Variants in OR1M1 observed in about 807,000 individuals in gnomAD.
OR1M1 encodes the protein olfactory receptor 1M1.
For missense variants in OR1M1, 397 were observed against 401.8 expected (o/e 0.99, Z 0.10); for synonymous variants, 157 against 165.5 (o/e 0.95, Z 0.39).
intron 1 of OR1M1, among the ~76,000 whole-genome samples, chr19:9,087,835 A>G (rs1481153329): frequency 6.6e-6 from 1 of 152,092 alleles, no homozygotes; most frequent in Non-Finnish European, 1.5e-5. Context: ...TTTAGTTGTG[A>G]TGCTACCAGT....
chr19:9,093,224 A>G lies in OR1M1; in HGVS notation c.-13-8A>G. On this transcript the variant is annotated splice_polypyrimidine_tract_variant and splice_region_variant and intron_variant, in intron 1 of 1. Coordinates refer to ENST00000641627, the MANE Select transcript of OR1M1 (RefSeq NM_001004456.2). ...CATTCCTATAACCTCCCCTTTCCAT[A>G]CTTCCAGAGGAATCACACCCATGGA... 5 of 1,533,722 alleles carry G rather than the reference A, an allele frequency of 3.3e-6. No individual in the cohort carries two copies. Among genetic ancestry groups the G allele is most frequent in the Non-Finnish European group, 4.4e-6 (5 of 1,125,050 alleles).
In OR1M1 at chr19:9,094,197, T is replaced by G; in HGVS notation, c.*11T>G. The G allele has an allele frequency of 6.4e-7, 1 of 1,562,282 alleles. No individual in the cohort carries two copies. The highest frequency in any genetic ancestry group is 8.7e-7 in the Non-Finnish European group (1 of 1,145,224). ...ACCTCATCTTCCTGACCACCAGGAC[T>G]CAGGAACTTCTGGGGGGTAGAATAT... On this transcript the variant is annotated 3_prime_UTR_variant, in exon 2 of 2. Transcript: ENST00000641627.
At chr19:9,090,662 G>A (rs1376220769) in intron 1 of OR1M1, among the ~76,000 whole-genome samples, 3 of 151,858 alleles carry the variant, frequency 2.0e-5, no homozygotes, top group East Asian at 2.0e-4. Flanking sequence ...TTGAACTCCC[G>A]ACCTCAGGTG....
intron 1 of OR1M1, among the ~76,000 whole-genome samples, chr19:9,090,398 A>G (rs1488339338): frequency 6.6e-6 from 1 of 152,260 alleles, no homozygotes; most frequent in East Asian, 1.9e-4. Context: ...AAAATAAAAA[A>G]TAAAAATATA....
chr19:9,093,109 C>CACATAT (rs572607972), intron 1 of OR1M1, 123 bp from the exon 2 acceptor site: 10 of 492,264 alleles, frequency 2.0e-5, no homozygotes, highest in Admixed American at 7.4e-5. Flanking sequence ...CACACACACA[C>CACATAT]ATATATATAT....
Position 9,093,968 on chromosome 19 carries a change from A to T in OR1M1, c.724A>T (p.Ser242Cys). 6.2e-7 allele frequency: 1 copy of T among 1,614,122 alleles called. No individual in the cohort carries two copies. Among genetic ancestry groups the T allele is most frequent in the Non-Finnish European group, 8.5e-7 (1 of 1,180,014 alleles). The change falls in exon 2 of 2, where the codon AGC (serine) becomes TGC (cysteine). Residue 242 changes from serine to cysteine, a missense_variant. By Grantham distance (112) the Ser-to-Cys change is moderately radical (BLOSUM62 -1). Transcript: ENST00000641627. The part of the protein sequence containing the change: ...GGRKKAFSTC[S>C]SHLSVVALFY... ...CAGGAAGAAAGCCTTCTCCACCTGC[A>T]GCTCCCACCTGTCTGTGGTTGCTCT...
intron 1 of OR1M1, among the ~76,000 whole-genome samples, chr19:9,092,991 G>A (rs1030545991): frequency 1.4e-5 from 2 of 146,086 alleles, no homozygotes; most frequent in Admixed American, 7.0e-5. Flanking sequence ...TTACAACACC[G>A]TACATGTGTG....
intron 1 of OR1M1, among the ~76,000 whole-genome samples, chr19:9,092,904 A>AAT (rs1245761464): frequency 5.3e-5 from 8 of 149,610 alleles, no homozygotes; most frequent in East Asian, 3.9e-4. Flanking sequence ...CTGTCTCAAA[A>AAT]ATATATATAT....
At chr19:9,089,695 G>T (rs895860838) in intron 1 of OR1M1, among the ~76,000 whole-genome samples, 45 of 152,120 alleles carry the variant, frequency 3.0e-4, no homozygotes, top group Non-Finnish European at 5.3e-4. Flanking sequence ...AAAGTGCTGG[G>T]ATTACAGGTG....
At chr19:9,087,568 C>T (rs1241718056) in intron 1 of OR1M1, among the ~76,000 whole-genome samples, 1 of 152,114 alleles carries the variant, frequency 6.6e-6, no homozygotes, top group Non-Finnish European at 1.5e-5. Flanking sequence ...TCTCCTACCT[C>T]AGCCTCCCGA....
intron 1 of OR1M1, among the ~76,000 whole-genome samples, chr19:9,092,659 T>C (rs1157010493): frequency 1.3e-5 from 2 of 151,928 alleles, no homozygotes; most frequent in Non-Finnish European, 2.9e-5. Context: ...CCCAGCACTT[T>C]GGGAGGCCGA....
chr19:9,088,443 T>A (rs1174174896), intron 1 of OR1M1, among the ~76,000 whole-genome samples: 1 of 152,054 alleles, frequency 6.6e-6, no homozygotes, highest in East Asian at 1.9e-4. Flanking sequence ...GATACTTAAA[T>A]TTTTCCCAAG....
intron 1 of OR1M1, among the ~76,000 whole-genome samples, chr19:9,089,799 G>GCT (rs779858405): frequency 7.9e-5 from 12 of 152,136 alleles, no homozygotes; most frequent in Non-Finnish European, 1.5e-4. Flanking sequence ...CCTCAGGGGT[G>GCT]CTGTGTGTGG....
chr19:9,088,003 G>T (rs1489006484), intron 1 of OR1M1, among the ~76,000 whole-genome samples: 1 of 151,924 alleles, frequency 6.6e-6, no homozygotes, highest in Non-Finnish European at 1.5e-5. Flanking sequence ...AGATTCTCCT[G>T]CCTCAGCCTC....
chr19:9,087,674 C>T (rs1426804091), intron 1 of OR1M1, among the ~76,000 whole-genome samples: 1 of 152,108 alleles, frequency 6.6e-6, no homozygotes, highest in Non-Finnish European at 1.5e-5. Context: ...TGATCTCGAA[C>T]ACCTGACCTC....
Position 9,094,051 on chromosome 19 carries a change from G to A in OR1M1, c.807G>A (p.Val269=), listed in dbSNP as rs2050313161. The A allele has an allele frequency of 6.2e-7, 1 of 1,613,952 alleles. No individual in the cohort carries two copies. The highest frequency in any genetic ancestry group is 1.7e-5 in the Admixed American group (1 of 59,968). Reference sequence around the variant, plus strand: ...GTCCCTCCTCGGTCCTCACCACTGTGAAGGAGAAAGCTTCTGCGGTGATGT... The same window carrying A: ...GTCCCTCCTCGGTCCTCACCACTGTAAAGGAGAAAGCTTCTGCGGTGATGT... ...YLCPSSVLTT[V]KEKASAVMYT... The change falls in exon 2 of 2, where the codon GTG becomes GTA. Residue 269 remains valine (V), a synonymous_variant. Transcript: ENST00000641627.
intron 1 of OR1M1, among the ~76,000 whole-genome samples, chr19:9,090,695 A>C (rs993041958): frequency 6.6e-6 from 1 of 151,810 alleles, no homozygotes; most frequent in Non-Finnish European, 1.5e-5. Context: ...CGGCCTCCCA[A>C]AGTGCTAGGA....
chr19:9,091,748 A>C (rs1274544884), intron 1 of OR1M1, among the ~76,000 whole-genome samples: 1 of 152,138 alleles, frequency 6.6e-6, no homozygotes, highest in South Asian at 2.1e-4. Context: ...GGAGGTAGAA[A>C]GGAGGAAGAC....
At chr19:9,092,668 G>A (rs998586691) in intron 1 of OR1M1, among the ~76,000 whole-genome samples, 6 of 152,046 alleles carry the variant, frequency 3.9e-5, no homozygotes, top group East Asian at 1.9e-4. Context: ...TTGGGAGGCC[G>A]AGGTGGGCGG....
Sources: gnomAD v4.1 joint callset for allele counts (sites outside exome capture counted in the v4.1 genomes callset) on GRCh38, gnomAD v4.1.1 for gene constraint, MANE v1.5 for transcripts, NCBI Gene and HGNC (gene_info 2026-07-23, HGNC 2026-07-21) for gene names.